PDE11A: variants seen among roughly 807,000 people sequenced by gnomAD.
The protein encoded by PDE11A is phosphodiesterase 11A.
PDE11A carries 100 observed loss-of-function variants against 100.5 expected under a neutral mutation model. The ratio of observed to expected loss-of-function variants is 1.00; its 90% CI spans 0.85 to 1.18. The LOEUF is 1.18. Among genes scored for constraint, PDE11A ranks in the 50% most tolerant of loss-of-function variants. The pLI, the probability that PDE11A is intolerant of heterozygous loss-of-function variation, is 0.00. For missense variants in PDE11A, 1,141 were observed against 1,152.6 expected (o/e 0.99, Z 0.15); for synonymous variants, 381 against 420.8 (o/e 0.91, Z 1.16).
intron 5 of PDE11A, among the ~76,000 whole-genome samples, chr2:177,847,106 C>T (rs974824617): frequency 7.2e-5 from 11 of 152,126 alleles, no homozygotes; most frequent in African/African-American, 2.7e-4. Context: ...GGCATGCCTT[C>T]CTTATTCGTA....
chr2:177,657,426 G>C (rs1445031565), intron 19 of PDE11A, among the ~76,000 whole-genome samples: 1 of 152,166 alleles, frequency 6.6e-6, no homozygotes, highest in East Asian at 1.9e-4. Flanking sequence ...AAAAAGAATA[G>C]CCCTACTTGT....
chr2:177,721,121 T>C (rs571920238), intron 12 of PDE11A, among the ~76,000 whole-genome samples: 1 of 152,306 alleles, frequency 6.6e-6, no homozygotes, highest in South Asian at 2.1e-4. Flanking sequence ...ATTTTTAACC[T>C]GTTTATTAGC....
At chr2:177,860,334 C>T (rs2083924445) in intron 5 of PDE11A, among the ~76,000 whole-genome samples, 1 of 150,864 alleles carries the variant, frequency 6.6e-6, no homozygotes, top group Non-Finnish European at 1.5e-5. Context: ...TAATGGTATG[C>T]CAAAAAATTA....
chr2:178,078,838 TGTTGA>T (rs1465164831), intron 2 of PDE11A, among the ~76,000 whole-genome samples: 3 of 152,306 alleles, frequency 2.0e-5, no homozygotes, highest in African/African-American at 4.8e-5. Flanking sequence ...TAATCAAGAT[TGTTGA>T]GTTAAGACAT....
rs765438829 is a variant in PDE11A at position 178,072,042 on chromosome 2, G to A, written c.396C>T (p.His132=). The stretch of plus-strand genomic sequence containing the variant: ...CCTGTTCATCGTAGGTCCTGTTCAC[G>A]TGGATGGCCTTGGAGCGGGCAAAAC... The part of the protein sequence containing the change: ...RKSFARSKAI[H]VNRTYDEQVT... Residue 132 remains histidine, a synonymous_variant, in exon 1 of 20, where the codon CAC becomes CAT. Transcript: ENST00000286063. The A allele has an allele frequency of 6.8e-6, 11 of 1,613,676 alleles. No homozygotes were observed. In the East Asian group the frequency reaches 2.2e-4, roughly 33 times the overall value.
At chr2:178,043,921 AG>A (rs2086713623) in intron 1 of PDE11A, among the ~76,000 whole-genome samples, 1 of 152,146 alleles carries the variant, frequency 6.6e-6, no homozygotes, top group Non-Finnish European at 1.5e-5. Context: ...TACTTTGAAG[AG>A]TTAGCAATTT....
At chr2:177,638,059 G>T (rs1245790406) in intron 19 of PDE11A, among the ~76,000 whole-genome samples, 1 of 144,942 alleles carries the variant, frequency 6.9e-6, no homozygotes, top group Non-Finnish European at 1.5e-5. Flanking sequence ...GAGTGCAGTG[G>T]CGCGATCTCC....
At chr2:177,980,530 T>G (rs905785206) in intron 2 of PDE11A, among the ~76,000 whole-genome samples, 4 of 150,872 alleles carry the variant, frequency 2.7e-5, no homozygotes, top group African/African-American at 9.7e-5. Context: ...TGATACAATT[T>G]TGGGTTCTAA....
chr2:177,708,835 G>A (rs1265936922), intron 13 of PDE11A, among the ~76,000 whole-genome samples: 2 of 152,158 alleles, frequency 1.3e-5, no homozygotes, highest in Non-Finnish European at 2.9e-5. Context: ...AATAAGAAGG[G>A]AAGACACATC....
At chr2:178,024,751 CA>C (rs145799066) in intron 1 of PDE11A, among the ~76,000 whole-genome samples, 1 of 152,132 alleles carries the variant, frequency 6.6e-6, no homozygotes, top group Non-Finnish European at 1.5e-5. Flanking sequence ...TTCTGAAGCT[CA>C]AAAAATTGCT....
At chr2:177,982,981 G>A (rs2085901042) in intron 2 of PDE11A, among the ~76,000 whole-genome samples, 1 of 150,524 alleles carries the variant, frequency 6.6e-6, no homozygotes, top group Non-Finnish European at 1.5e-5. Flanking sequence ...TTGGGTGGCT[G>A]AGGCACAAGA....
intron 1 of PDE11A, among the ~76,000 whole-genome samples, chr2:178,025,950 A>T (rs901717410): frequency 1.3e-5 from 2 of 152,236 alleles, no homozygotes; most frequent in African/African-American, 4.8e-5. Flanking sequence ...AACTATCAGC[A>T]TGAAGCTGTG....
chr2:178,068,232 T>C (rs12478848), intron 1 of PDE11A, among the ~76,000 whole-genome samples: 14 of 148,588 alleles, frequency 9.4e-5, no homozygotes, highest in African/African-American at 2.7e-4. Flanking sequence ...AAAATGAATG[T>C]TTTTTTTTTT....
At chr2:177,973,358 CG>C (rs1410893649) in intron 2 of PDE11A, among the ~76,000 whole-genome samples, 1 of 69,054 alleles carries the variant, frequency 1.4e-5, no homozygotes, top group East Asian at 3.7e-4. Flanking sequence ...CACTCCCACC[CG>C]AATATTGCGC....
intron 9 of PDE11A, among the ~76,000 whole-genome samples, chr2:177,800,535 C>T (rs1439981716): frequency 2.6e-5 from 4 of 152,262 alleles, no homozygotes; most frequent in South Asian, 2.1e-4. Flanking sequence ...CAAAAACCCT[C>T]GTAGCAGCGT....
In PDE11A at chr2:177,840,239, G is replaced by C. The variant is rs760786345; in HGVS notation, c.1500+12C>G. The C allele has an allele frequency of 1.2e-6, 2 of 1,613,474 alleles. No individual in the cohort carries two copies. Among genetic ancestry groups the C allele is most frequent in the African/African-American group, 2.7e-5 (2 of 74,902 alleles). On this transcript the variant is annotated intron_variant, in intron 6 of 19. Transcript: ENST00000286063. ...TGAAACTTAGGATTGCAACCAGAGGGGCTCCTCTTACCTCTGCATCAAAGC... is the reference window on the plus strand; with the variant it reads ...TGAAACTTAGGATTGCAACCAGAGGCGCTCCTCTTACCTCTGCATCAAAGC...
At chr2:177,946,758 G>T (rs2085441215) in intron 2 of PDE11A, among the ~76,000 whole-genome samples, 1 of 110,848 alleles carries the variant, frequency 9.0e-6, no homozygotes. Flanking sequence ...CCCCCGCCCG[G>T]CCAGCCGCCC....
At chr2:177,770,754 A>G (rs1025226125) in intron 9 of PDE11A, among the ~76,000 whole-genome samples, 2 of 152,210 alleles carry the variant, frequency 1.3e-5, no homozygotes, top group African/African-American at 2.4e-5. Context: ...TATAAGGCAT[A>G]TTTACAGACA....
At position 178,072,639 on chromosome 2, in the gene PDE11A, C is replaced by T. The variant is rs1262374006; in HGVS notation, c.-202G>A. 1.4e-6 allele frequency: 2 copies of T among 1,476,554 alleles called. No homozygotes were observed. The highest frequency in any genetic ancestry group is 2.1e-5 in the Admixed American group (1 of 46,798). 91.5% of individuals were successfully genotyped at this position (1,476,554 alleles called of 1,614,324 possible). ...AGAGTGGCTGGCGCCGACCCCACCC[C>T]GTGGTCCTGCTACTCCTGCTCCGCA... On this transcript the variant is annotated 5_prime_UTR_variant, in exon 1 of 20. Transcript: ENST00000286063.
Sources: allele counts gnomAD v4.1 joint callset (sites outside exome capture counted in the v4.1 genomes callset), GRCh38; gene constraint gnomAD v4.1.1; transcripts MANE v1.5; gene names NCBI Gene and HGNC (gene_info 2026-07-23, HGNC 2026-07-21).